The following URB1 variants were observed in gnomAD, a reference collection of about 807,000 sequenced individuals.
The protein encoded by URB1 is nucleolar pre-ribosomal-associated protein 1.
Under a neutral mutation model 242.3 loss-of-function variants are expected in URB1, and 197 were observed. The ratio of observed to expected loss-of-function variants is 0.81; its 90% CI spans 0.72 to 0.91. URB1 has a LOEUF of 0.91. URB1 is among the 40% of genes least tolerant of loss of function. The probability of loss-of-function intolerance (pLI) is 0.00; values close to 1 mark genes in which losing one functional copy is unlikely to be tolerated. For synonymous variants in URB1, 1,153 were observed against 1,201.8 expected (o/e 0.96, Z 0.84); for missense variants, 2,721 against 2,860.5 (o/e 0.95, Z 1.11).
chr21:32,345,669 G>A (rs1429695459), intron 22 of URB1, 94 bp from the exon 23 acceptor site: 1 of 1,318,364 alleles, frequency 7.6e-7, no homozygotes, highest in Admixed American at 2.6e-5. Context: ...TATATTTTAG[G>A]TATCCTGTGA....
chr21:32,340,135 C>A (rs1189745158), intron 25 of URB1, among the ~76,000 whole-genome samples: 2 of 152,238 alleles, frequency 1.3e-5, no homozygotes, highest in African/African-American at 2.4e-5. Flanking sequence ...ACCTGGCACC[C>A]ACTCTCACTT....
intron 13 of URB1, 49 bp from the exon 14 acceptor site, chr21:32,359,957 G>A: frequency 1.3e-6 from 2 of 1,512,436 alleles, no homozygotes; most frequent in South Asian, 1.2e-5. Context: ...GGACGTGGGT[G>A]CCCAACAATT....
chr21:32,346,840 A>C (rs1320720665), intron 22 of URB1, 116 bp downstream of exon 22: 8 of 1,384,834 alleles, frequency 5.8e-6, no homozygotes, highest in Middle Eastern at 2.6e-4. Flanking sequence ...CAGACACTGG[A>C]AACTAACCCA....
intron 28 of URB1, among the ~76,000 whole-genome samples, chr21:32,336,457 CAA>C (rs1174527517): frequency 5.3e-5 from 8 of 152,134 alleles, no homozygotes; most frequent in Non-Finnish European, 1.2e-4. Flanking sequence ...TCTAGGGCAG[CAA>C]AGAGGATCCA....
chr21:32,343,607 A>G (rs1011807807), intron 24 of URB1, among the ~76,000 whole-genome samples: 5 of 152,240 alleles, frequency 3.3e-5, no homozygotes, highest in African/African-American at 1.2e-4. Context: ...ACACAGATAC[A>G]TGAAGTACAC....
intron 2 of URB1, 112 bp from the exon 3 acceptor site, chr21:32,384,576 T>C (rs1382825711): frequency 1.5e-6 from 2 of 1,370,630 alleles, no homozygotes; most frequent in South Asian, 2.9e-5. Context: ...GCCTTCAACA[T>C]GCAGGATGAC....
intron 1 of URB1, among the ~76,000 whole-genome samples, chr21:32,391,115 G>A (rs1356069745): frequency 2.0e-5 from 3 of 151,440 alleles, no homozygotes; most frequent in East Asian, 3.9e-4. Flanking sequence ...ACTATCGCAA[G>A]GACAAAAAAC....
intron 19 of URB1, 147 bp from the exon 20 acceptor site, chr21:32,351,069 AT>A: frequency 1.2e-6 from 1 of 840,552 alleles, no homozygotes; most frequent in Non-Finnish European, 1.8e-6. Context: ...ACCGTGTGGC[AT>A]TTTACTTCAG....
Position 32,311,977 on chromosome 21 carries a change from C to A in URB1, c.*2941G>T, listed in dbSNP as rs2032591458. Reference sequence around the variant, plus strand: ...AGCGAGCCTCCCCCTGGAGACAGGACCTCTCAATTGCAGAGCTGATGTCAG... The same window carrying A: ...AGCGAGCCTCCCCCTGGAGACAGGAACTCTCAATTGCAGAGCTGATGTCAG... On this transcript the variant is annotated 3_prime_UTR_variant, in exon 39 of 39. Transcript: ENST00000382751. 1.9e-6 allele frequency: 3 copies of A among 1,613,234 alleles called. No individual in the cohort carries two copies. The highest frequency in any genetic ancestry group is 2.7e-5 in the African/African-American group (2 of 74,940).
rs181664382 is a variant in URB1, at chr21:32,348,285, C to T, written c.3013-474G>A. On this transcript the variant is annotated intron_variant, in intron 21 of 38. Transcript: ENST00000382751. ...AAATCTGGTTGAGGGACAGGGGTGTCTACTTACAGCTGGGGTGATGTCAGT... is the reference window on the plus strand; with the variant it reads ...AAATCTGGTTGAGGGACAGGGGTGTTTACTTACAGCTGGGGTGATGTCAGT... Among the ~76,000 whole-genome samples, 206 of 152,298 alleles carry T rather than the reference C, an allele frequency of 1.4e-3. 1 individual carries two copies. The highest frequency in any genetic ancestry group is 4.7e-3 in the African/African-American group (197 of 41,560).
intron 28 of URB1, among the ~76,000 whole-genome samples, chr21:32,336,176 A>G (rs1046344868): frequency 2.7e-5 from 4 of 150,246 alleles, no homozygotes; most frequent in Non-Finnish European, 4.4e-5. Context: ...AGCCCTGGGC[A>G]TTCTTAAGAG....
intron 1 of URB1, 75 bp downstream of exon 1, chr21:32,392,694 G>C: frequency 7.4e-7 from 1 of 1,352,764 alleles, no homozygotes; most frequent in East Asian, 3.0e-5. Context: ...GCAGAAAGGA[G>C]AGGCTGTGCC....
chr21:32,386,675 A>G (rs141485757), intron 1 of URB1, among the ~76,000 whole-genome samples: 1 of 152,334 alleles, frequency 6.6e-6, no homozygotes, highest in African/African-American at 2.4e-5. Context: ...TAGAATGGGT[A>G]TAACAAGAAA....
At chr21:32,380,451 A>G (rs775606624) in intron 4 of URB1, among the ~76,000 whole-genome samples, 1 of 152,212 alleles carries the variant, frequency 6.6e-6, no homozygotes, top group African/African-American at 2.4e-5. Flanking sequence ...GTTTGCATCC[A>G]ATGATCACTG....
At chr21:32,332,674 A>T (rs1163176182) in intron 30 of URB1, among the ~76,000 whole-genome samples, 1 of 151,996 alleles carries the variant, frequency 6.6e-6, no homozygotes, top group Non-Finnish European at 1.5e-5. Flanking sequence ...ACCAAAGAGG[A>T]TGTGCAGATA....
chr21:32,337,527 A>C lies in URB1; in HGVS notation c.4511-13T>G, dbSNP rs920785398. 5.8e-6 allele frequency: 9 copies of C among 1,549,582 alleles called. No individual in the cohort carries two copies. Among genetic ancestry groups the C allele is most frequent in the Non-Finnish European group, 7.9e-6 (9 of 1,145,174 alleles). ...TCCACCAGCGCTTCTGCAAGAAAACAACCCTGAAACACATGGCATGGTGGG... is the reference window on the plus strand; with the variant it reads ...TCCACCAGCGCTTCTGCAAGAAAACCACCCTGAAACACATGGCATGGTGGG... On this transcript the variant is annotated splice_polypyrimidine_tract_variant and intron_variant, in intron 26 of 38. Coordinates refer to ENST00000382751, the MANE Select transcript of URB1 (RefSeq NM_014825.3).
In URB1 at chr21:32,337,362, C is replaced by A. The variant is rs541135635; in HGVS notation, c.4621+42G>T. On this transcript the variant is annotated intron_variant, in intron 27 of 38. Coordinates refer to ENST00000382751, the MANE Select transcript of URB1 (RefSeq NM_014825.3). ...TCTCTGCTCACACCCCCGGCCCTCA[C>A]TCCCTCCCCCTGCTCACACTACCCA... 8.0e-5 allele frequency: 122 copies of A among 1,520,568 alleles called. 1 individual carries two copies. In the East Asian group the frequency reaches 2.9e-3, roughly 37 times the overall value. The allele number at this position is 1,520,568 out of a possible 1,614,324, so 94.2% of individuals were successfully genotyped here. A position where few individuals can be genotyped will look rare whatever the true frequency, so the allele number is the denominator to read the frequency against.
chr21:32,366,428 C>T (rs1318566186), intron 10 of URB1, among the ~76,000 whole-genome samples, 190 bp downstream of exon 10: 1 of 152,190 alleles, frequency 6.6e-6, no homozygotes, highest in Non-Finnish European at 1.5e-5. Flanking sequence ...GCTCCAAGGT[C>T]CTTACCCAGG....
chr21:32,369,190 A>G (rs9984855), intron 8 of URB1, among the ~76,000 whole-genome samples: 22,388 of 151,966 alleles, frequency 0.15, 2,206 homozygotes, highest in African/African-American at 0.28. Flanking sequence ...GTGAAACCCT[A>G]TCTCTATTAA....
Sources: gnomAD v4.1 joint callset for allele counts (sites outside exome capture counted in the v4.1 genomes callset) on GRCh38, gnomAD v4.1.1 for gene constraint, MANE v1.5 for transcripts, NCBI Gene and HGNC (gene_info 2026-07-23, HGNC 2026-07-21) for gene names.